Variants in NRSN2 observed in about 807,000 individuals in gnomAD.
NRSN2 encodes neurensin-2.
In NRSN2, 10 loss-of-function variants were observed where a neutral mutation model predicts 11.1. The observed-to-expected ratio is 0.90, with a 90% CI of 0.56 to 1.53. The LOEUF is 1.53. NRSN2 is among the 40% of genes most tolerant of loss of function. NRSN2 has a pLI of 0.00. For missense variants in NRSN2, 260 were observed against 273.7 expected, an observed-to-expected ratio of 0.95 and a Z score of 0.35; for synonymous variants, 100 against 117.0, an observed-to-expected ratio of 0.86 and a Z score of 0.94.
At position 353,795 on chromosome 20, in the gene NRSN2, A is replaced by C; in HGVS notation, c.*160A>C. On this transcript the variant is annotated 3_prime_UTR_variant, in exon 5 of 5. Coordinates refer to ENST00000382285, the MANE Select transcript of NRSN2 (RefSeq NM_001323682.2). Reference sequence around the variant, plus strand: ...CAAATCCCAGTGCTCCCTCCCCAGGAGTGGGGCCCCAACTCTTCCAAGATA... The same window carrying C: ...CAAATCCCAGTGCTCCCTCCCCAGGCGTGGGGCCCCAACTCTTCCAAGATA... 1.3e-6 allele frequency: 1 copy of C among 774,822 alleles called. No individual in the cohort carries two copies. The highest frequency in any genetic ancestry group is 2.0e-6 in the Non-Finnish European group (1 of 501,488). 48.0% of individuals were successfully genotyped at this position (774,822 alleles called of 1,614,324 possible). A position where few individuals can be genotyped will look rare whatever the true frequency, so the allele number is the denominator to read the frequency against.
At chr20:351,593 G>A (rs1454015386) in intron 4 of NRSN2, among the ~76,000 whole-genome samples, 2 of 152,174 alleles carry the variant, frequency 1.3e-5, no homozygotes, top group African/African-American at 4.8e-5. Flanking sequence ...TTAAAAACAT[G>A]TTACCATTTA....
At position 347,687 on chromosome 20, in the gene NRSN2, G is replaced by A. The variant is rs1165497118; in HGVS notation, c.-122+175G>A. On this transcript the variant is annotated intron_variant, in intron 2 of 4. Transcript: ENST00000382285. This position sits in a 1 kb window ranked among gnomAD's most constrained non-coding sequence, Gnocchi z 7.0. Reference sequence around the variant, plus strand: ...AGGCTGTGCAGAGGCGACAGATTCCGTCCATCTTCGGGCCCTGGCTTCCGT... The same window carrying A: ...AGGCTGTGCAGAGGCGACAGATTCCATCCATCTTCGGGCCCTGGCTTCCGT... Among the ~76,000 whole-genome samples the A allele has an allele frequency of 6.6e-6, 1 of 152,038 alleles. No homozygotes were observed. The highest frequency in any genetic ancestry group is 1.5e-5 in the Non-Finnish European group (1 of 67,982).
chr20:350,420 A>G (rs981629984), intron 4 of NRSN2, among the ~76,000 whole-genome samples: 1 of 150,034 alleles, frequency 6.7e-6, no homozygotes, highest in African/African-American at 2.5e-5. Context: ...TGGAGGTTGC[A>G]GTGAGCTGAG....
In NRSN2 at chr20:349,229, T is replaced by G; in HGVS notation, c.-121-20T>G. 1.2e-5 allele frequency: 2 copies of G among 162,282 alleles called. No homozygotes were observed. Among genetic ancestry groups the G allele is most frequent in the Non-Finnish European group, 2.7e-5 (2 of 74,828 alleles). 10.1% of individuals were successfully genotyped at this position (162,282 alleles called of 1,614,324 possible). ...CAGTAACTGTATGAAAGAAGTATGA[T>G]TATTAGGTCTGTTTTACAGATGAGG... is the stretch of plus-strand genomic sequence containing the variant. On this transcript the variant is annotated intron_variant, in intron 2 of 4. Coordinates refer to ENST00000382285, the MANE Select transcript of NRSN2 (RefSeq NM_001323682.2).
intron 4 of NRSN2, among the ~76,000 whole-genome samples, chr20:350,793 G>A (rs2013904139): frequency 6.6e-6 from 1 of 151,770 alleles, no homozygotes; most frequent in Non-Finnish European, 1.5e-5. Context: ...GACTTTGCAA[G>A]TTTTCTTAGT....
At chr20:352,281 T>C (rs778736914) in intron 4 of NRSN2, among the ~76,000 whole-genome samples, 16 of 152,188 alleles carry the variant, frequency 1.1e-4, no homozygotes, top group African/African-American at 3.6e-4. Flanking sequence ...GAGTGCCTGC[T>C]ATGGGCATAG....
chr20:349,665 T>TCCTG lies in NRSN2; in HGVS notation c.24_27dup (p.Ser10LeufsTer26). 1 of 1,612,320 alleles carries TCCTG rather than the reference T, an allele frequency of 6.2e-7. No homozygotes were observed. The highest frequency in any genetic ancestry group is 8.5e-7 in the Non-Finnish European group (1 of 1,179,780). The stretch of plus-strand genomic sequence containing the variant: ...GTCCATGATGCCGAGCTGCAATCGT[T>TCCTG]CCTGCAGCTGCAGCCGCGGCCCCAG... On this transcript the variant is annotated frameshift_variant, in exon 4 of 5. Transcript: ENST00000382285. LOFTEE classifies it high-confidence loss of function.
In NRSN2 at chr20:353,869, C is replaced by T. The variant is rs899921492; in HGVS notation, c.*234C>T. 7 of 551,230 alleles carry T rather than the reference C, an allele frequency of 1.3e-5. No homozygotes were observed. Among genetic ancestry groups the T allele is most frequent in the Non-Finnish European group, 2.2e-5 (7 of 314,926 alleles). 34.1% of individuals were successfully genotyped at this position (551,230 alleles called of 1,614,324 possible). On this transcript the variant is annotated 3_prime_UTR_variant, in exon 5 of 5. Transcript: ENST00000382285. ...AAACTTCCTACCCACACCCTCTTCC[C>T]AAGGCCCTCAGGGGCAGAAAACATC...
intron 4 of NRSN2, among the ~76,000 whole-genome samples, chr20:352,929 TAA>T (rs1035017322): frequency 5.3e-5 from 8 of 151,132 alleles, no homozygotes; most frequent in African/African-American, 1.5e-4. Context: ...GTAGAAAGGA[TAA>T]AGAGATGAGT....
In NRSN2 at chr20:353,427, G is replaced by A. The variant is rs1450624224; in HGVS notation, c.407G>A (p.Trp136Ter). The change falls in exon 5 of 5, where the codon TGG (tryptophan) becomes TAG (stop). Residue 136 changes from tryptophan (W) to a stop codon, truncating the protein, a stop_gained. Coordinates refer to ENST00000382285, the MANE Select transcript of NRSN2 (RefSeq NM_001323682.2). LOFTEE classifies it high-confidence loss of function. Reference protein sequence around the residue: ...AGVLLAICLFWAMIGWLSQDT... With the variant: ...AGVLLAICLF ...GTTCTGCTCGCCATCTGCCTCTTCT[G>A]GGCCATGATAGGCTGGCTGAGCCAG... 6.2e-7 allele frequency: 1 copy of A among 1,613,854 alleles called. No individual in the cohort carries two copies.
intron 2 of NRSN2, chr20:348,534 C>CGTGTGTG (rs2013657321): frequency 3.2e-5 from 2 of 62,702 alleles, no homozygotes; most frequent in Non-Finnish European, 3.2e-5. Flanking sequence ...TGTGTCGTAC[C>CGTGTGTG]TATCTGGGTA....
At position 353,422 on chromosome 20, in the gene NRSN2, C is replaced by T; in HGVS notation, c.402C>T (p.Leu134=). The change falls in exon 5 of 5, where the codon CTC becomes CTT. Residue 134 remains leucine (L), a synonymous_variant. Coordinates refer to ENST00000382285, the MANE Select transcript of NRSN2 (RefSeq NM_001323682.2). ...CTGGAGTTCTGCTCGCCATCTGCCT[C>T]TTCTGGGCCATGATAGGCTGGCTGA... ...VAAGVLLAIC[L]FWAMIGWLSQ... 3 of 1,614,020 alleles carry T rather than the reference C, an allele frequency of 1.9e-6. No individual in the cohort carries two copies. The South Asian group carries it at 3.3e-5, about 18-fold the overall frequency.
chr20:348,168 A>T (rs2013592672), intron 2 of NRSN2: 1 of 147,134 alleles, frequency 6.8e-6, no homozygotes, highest in Non-Finnish European at 1.5e-5. Flanking sequence ...TCTTCTCCCC[A>T]CCCGGGCCTC....
intron 4 of NRSN2, among the ~76,000 whole-genome samples, chr20:353,008 T>TA (rs1281430192): frequency 6.6e-6 from 1 of 151,892 alleles, no homozygotes; most frequent in African/African-American, 2.4e-5. Flanking sequence ...GGAAGGAAAT[T>TA]AAGAGGCCTC....
At position 351,993 on chromosome 20, in the gene NRSN2, A is replaced by G. The variant is rs73071021; in HGVS notation, c.190-1217A>G. On this transcript the variant is annotated intron_variant, in intron 4 of 4. Transcript: ENST00000382285. ...AATTTAAAAATCATTTATAAGAAAC[A>G]ATGCTTTTAATTCCCAGAAGTCCTG... Among the ~76,000 whole-genome samples the G allele has an allele frequency of 2.8e-3, 420 of 152,314 alleles. 1 individual carries two copies. The highest frequency in any genetic ancestry group is 5.2e-3 in the Non-Finnish European group (351 of 68,032).
rs1190263732 is a variant in NRSN2, at chr20:347,967, T to C, written c.-122+455T>C. ...GGGCCAGGCCGAGCGGGAGGCAGCGTCAAGGTCACCTTCCCTCTCCAGTAG... is the reference window on the plus strand; with the variant it reads ...GGGCCAGGCCGAGCGGGAGGCAGCGCCAAGGTCACCTTCCCTCTCCAGTAG... On this transcript the variant is annotated intron_variant, in intron 2 of 4. Coordinates refer to ENST00000382285, the MANE Select transcript of NRSN2 (RefSeq NM_001323682.2). The surrounding 1 kb of genome is among the most constrained non-coding windows in gnomAD (Gnocchi z 7.0). 2 of 152,580 alleles carry C rather than the reference T, an allele frequency of 1.3e-5. No individual in the cohort carries two copies. Among genetic ancestry groups the C allele is most frequent in the Non-Finnish European group, 2.9e-5 (2 of 68,418 alleles). The allele number at this position is 152,580 out of a possible 1,614,324, so 9.5% of individuals were successfully genotyped here.
At chr20:351,550 AGAAAG>A (rs1440288890) in intron 4 of NRSN2, among the ~76,000 whole-genome samples, 1 of 152,208 alleles carries the variant, frequency 6.6e-6, no homozygotes, top group Non-Finnish European at 1.5e-5. Context: ...AAAAGAGAGA[AGAAAG>A]GAAGAGAGAA....
intron 2 of NRSN2, chr20:348,483 C>CGGTGTGTGTGTG (rs1568514032): frequency 8.7e-4 from 28 of 32,340 alleles, no homozygotes; most frequent in African/African-American, 4.7e-3. Context: ...GAACCTCCAA[C>CGGTGTGTGTGTG]CGTGTGTGTG....
Position 354,194 on chromosome 20 carries a change from CAAT to C in NRSN2, c.*560_*562del. The stretch of plus-strand genomic sequence containing the variant: ...AGCCCCCCAGCCCACCCACCACAGG[CAAT>C]TACTAGCCCTAGTTGATAGGTGAGG... On this transcript the variant is annotated 3_prime_UTR_variant, in exon 5 of 5. Coordinates refer to ENST00000382285, the MANE Select transcript of NRSN2 (RefSeq NM_001323682.2). 1 of 153,182 alleles carries C rather than the reference CAAT, an allele frequency of 6.5e-6. No homozygotes were observed. Among genetic ancestry groups the C allele is most frequent in the East Asian group, 1.9e-4 (1 of 5,190 alleles). The allele number at this position is 153,182 out of a possible 1,614,324, so 9.5% of individuals were successfully genotyped here. A position where few individuals can be genotyped will look rare whatever the true frequency, so the allele number is the denominator to read the frequency against.
Sources: gnomAD v4.1 joint callset for allele counts (sites outside exome capture counted in the v4.1 genomes callset) on GRCh38, gnomAD v4.1.1 for gene constraint, Gnocchi (gnomAD v3.1) non-coding constraint, MANE v1.5 for transcripts, NCBI Gene and HGNC (gene_info 2026-07-23, HGNC 2026-07-21) for gene names.